The following NTRK3 variants were observed in gnomAD, a reference collection of about 807,000 sequenced individuals.
NTRK3 encodes the protein NT-3 growth factor receptor.
Under a neutral mutation model 91.7 loss-of-function variants are expected in NTRK3, and 24 were observed. The observed-to-expected ratio is 0.26, with a 90% CI of 0.19 to 0.37. NTRK3 has a LOEUF of 0.37. NTRK3 is among the 10% of genes least tolerant of loss of function. The pLI is 1.00. For synonymous variants in NTRK3, 483 were observed against 404.0 expected (o/e 1.20, Z -2.34); for missense variants, 880 against 1,068.9 (o/e 0.82, Z 2.46).
chr15:88,068,381 A>C (rs2142638941), intron 13 of NTRK3, among the ~76,000 whole-genome samples: 1 of 152,328 alleles, frequency 6.6e-6, no homozygotes, highest in South Asian at 2.1e-4. Context: ...CAGTGAGCCA[A>C]GATTGTGCCA....
chr15:87,982,699 C>T (rs574700582), intron 14 of NTRK3, among the ~76,000 whole-genome samples: 3 of 152,194 alleles, frequency 2.0e-5, no homozygotes, highest in Non-Finnish European at 2.9e-5. Context: ...GGAGCCAATC[C>T]TATTGAGTCA....
intron 5 of NTRK3, among the ~76,000 whole-genome samples, chr15:88,153,491 G>T (rs1000138165): frequency 6.6e-6 from 1 of 152,118 alleles, no homozygotes; most frequent in African/African-American, 2.4e-5. Flanking sequence ...CTGACCTCAG[G>T]TGATCCACCT....
At chr15:88,135,876 C>A in intron 9 of NTRK3, 23 bp downstream of exon 9, 1 of 1,613,672 alleles carries the variant, frequency 6.2e-7, no homozygotes, top group Non-Finnish European at 8.5e-7. Flanking sequence ...ACACAGCCAT[C>A]CCCCACAATA....
rs1248892738 is a variant in NTRK3 at position 88,170,888 on chromosome 15, G to C, written c.395+12530C>G. Among the ~76,000 whole-genome samples the C allele has an allele frequency of 3.7e-4, 57 of 152,254 alleles. 1 individual carries two copies. The highest frequency in any genetic ancestry group is 1.8e-4 in the Non-Finnish European group (12 of 68,022). ...AGACAGATGCAGTCCCATCTAGCCA[G>C]GTCACCCTATCACAGAGACAGACAG... On this transcript the variant is annotated intron_variant, in intron 5 of 18. Coordinates refer to ENST00000394480, the Ensembl canonical transcript of NTRK3.
intron 13 of NTRK3, among the ~76,000 whole-genome samples, chr15:88,112,871 C>T (rs1346171625): frequency 6.6e-6 from 1 of 152,182 alleles, no homozygotes; most frequent in Admixed American, 6.5e-5. Context: ...CACTCACAAC[C>T]CCAATTATTC....
At chr15:87,956,654 C>G (rs1328733635) in intron 14 of NTRK3, among the ~76,000 whole-genome samples, 1 of 152,058 alleles carries the variant, frequency 6.6e-6, no homozygotes, top group African/African-American at 2.4e-5. Context: ...ACAACAACCC[C>G]CGCCTCCTGG....
At chr15:88,009,517 G>T (rs1364909923) in intron 14 of NTRK3, among the ~76,000 whole-genome samples, 1 of 152,224 alleles carries the variant, frequency 6.6e-6, no homozygotes, top group East Asian at 1.9e-4. Flanking sequence ...AGAGAAACTG[G>T]AAATGCAGAG....
At chr15:88,226,364 T>C (rs2050676578) in intron 3 of NTRK3, among the ~76,000 whole-genome samples, 1 of 152,184 alleles carries the variant, frequency 6.6e-6, no homozygotes, top group Non-Finnish European at 1.5e-5. Flanking sequence ...AAGTGCCGAC[T>C]GGATGGTGTG....
At chr15:87,920,193 G>A (rs900327969) in intron 17 of NTRK3, among the ~76,000 whole-genome samples, 1 of 152,192 alleles carries the variant, frequency 6.6e-6, no homozygotes, top group African/African-American at 2.4e-5. Context: ...GATAATTAGT[G>A]TGCAGATCCA....
exon 10 of NTRK3, chr15:88,135,297 C>G (rs1340702698): frequency 6.2e-7 from 1 of 1,614,124 alleles, no homozygotes; most frequent in Non-Finnish European, 8.5e-7. Flanking sequence ...GCCCATTGTG[C>G]AGCCAGTGCA....
chr15:88,104,057 T>C (rs1052512891), intron 13 of NTRK3, among the ~76,000 whole-genome samples: 2 of 152,220 alleles, frequency 1.3e-5, no homozygotes, highest in African/African-American at 4.8e-5. Flanking sequence ...GCCAGGCATC[T>C]GGAAGAAGAC....
intron 5 of NTRK3, among the ~76,000 whole-genome samples, chr15:88,159,943 T>TAAACAC: frequency 8.9e-6 from 1 of 112,048 alleles, no homozygotes; most frequent in South Asian, 3.9e-4. Context: ...CCCAGCCTCC[T>TAAACAC]ACACACACAC....
At chr15:88,019,308 G>C (rs760549016) in intron 14 of NTRK3, among the ~76,000 whole-genome samples, 2 of 152,200 alleles carry the variant, frequency 1.3e-5, no homozygotes, top group Non-Finnish European at 2.9e-5. Flanking sequence ...GCCTAGGTGA[G>C]CATTTGCTTT....
At chr15:88,166,896 T>C (rs1326802034) in intron 5 of NTRK3, among the ~76,000 whole-genome samples, 1 of 152,146 alleles carries the variant, frequency 6.6e-6, no homozygotes, top group African/African-American at 2.4e-5. Flanking sequence ...ACAATAAATA[T>C]TTCGTCTCTT....
At chr15:88,189,114 C>T (rs972154920) in intron 3 of NTRK3, among the ~76,000 whole-genome samples, 9 of 152,242 alleles carry the variant, frequency 5.9e-5, no homozygotes, top group Admixed American at 5.9e-4. Flanking sequence ...AACTCAAAAA[C>T]CTCAGTGATG....
At chr15:88,107,716 A>C (rs756113438) in intron 13 of NTRK3, among the ~76,000 whole-genome samples, 1 of 152,164 alleles carries the variant, frequency 6.6e-6, no homozygotes, top group Non-Finnish European at 1.5e-5. Context: ...GGAAGAATGG[A>C]TAAAGCCTGC....
At chr15:88,059,801 T>G (rs1053336999) in intron 13 of NTRK3, among the ~76,000 whole-genome samples, 10 of 151,920 alleles carry the variant, frequency 6.6e-5, no homozygotes, top group African/African-American at 2.4e-4. Context: ...GGAGAAAAGG[T>G]CTTTAAGGGG....
At chr15:88,154,094 G>A (rs1029973328) in intron 5 of NTRK3, among the ~76,000 whole-genome samples, 3 of 122,880 alleles carry the variant, frequency 2.4e-5, no homozygotes, top group African/African-American at 1.0e-4. Context: ...GCAGCACCAA[G>A]CCCACATAGA....
intron 14 of NTRK3, among the ~76,000 whole-genome samples, chr15:88,028,225 A>G (rs2078212369): frequency 6.6e-6 from 1 of 152,142 alleles, no homozygotes; most frequent in African/African-American, 2.4e-5. Context: ...GCGCCATCCC[A>G]TGTCTTGGTG....
Sources: gnomAD v4.1 joint callset for allele counts (sites outside exome capture counted in the v4.1 genomes callset) on GRCh38, gnomAD v4.1.1 for gene constraint, MANE v1.5 for transcripts, NCBI Gene and HGNC (gene_info 2026-07-23, HGNC 2026-07-21) for gene names.